TASP1: variants seen among roughly 807,000 people sequenced by gnomAD.
The protein encoded by TASP1 is taspase 1.
Under a neutral mutation model 56.6 loss-of-function variants are expected in TASP1, and 16 were observed. That is an observed-to-expected ratio of 0.28 (90% confidence interval 0.19 to 0.43). The LOEUF is 0.43. Ranked by LOEUF, TASP1 falls within the 20% of genes least tolerant of loss-of-function variation. The pLI, the probability that TASP1 is intolerant of heterozygous loss-of-function variation, is 1.00. For missense variants in TASP1, 393 were observed against 511.6 expected (o/e 0.77, Z 2.24); for synonymous variants, 179 against 184.2 (o/e 0.97, Z 0.23).
the TASP1 span, among the ~76,000 whole-genome samples, chr20:13,196,322 A>AG: frequency 1.7e-4 from 26 of 152,308 alleles, no homozygotes; most frequent in South Asian, 4.1e-4. Flanking sequence ...GTTTTAAACC[A>AG]TCTAGTAGTG....
At chr20:13,558,407 T>C (rs890696669) in intron 8 of TASP1, among the ~76,000 whole-genome samples, 4 of 152,272 alleles carry the variant, frequency 2.6e-5, no homozygotes, top group East Asian at 1.9e-4. Context: ...TAAGAATCAC[T>C]ATCAGGAGCT....
At chr20:13,483,529 A>G (rs2043215130) in intron 10 of TASP1, among the ~76,000 whole-genome samples, 192 bp from the exon 11 acceptor site, 1 of 152,244 alleles carries the variant, frequency 6.6e-6, no homozygotes, top group African/African-American at 2.4e-5. Context: ...AACTAAACAC[A>G]AAGTTTATCA....
At chr20:13,331,192 T>C in the TASP1 span, among the ~76,000 whole-genome samples, 1 of 152,294 alleles carries the variant, frequency 6.6e-6, no homozygotes, top group Non-Finnish European at 1.5e-5. Context: ...TTTGATATGT[T>C]GTATTTTTAT....
At chr20:13,195,754 T>A in the TASP1 span, among the ~76,000 whole-genome samples, 1 of 152,186 alleles carries the variant, frequency 6.6e-6, no homozygotes, top group Non-Finnish European at 1.5e-5. Context: ...CACATGACTA[T>A]GAGAATGCTA....
intron 8 of TASP1, among the ~76,000 whole-genome samples, chr20:13,536,039 A>T (rs2045405616): frequency 6.6e-6 from 1 of 152,222 alleles, no homozygotes; most frequent in Admixed American, 6.5e-5. Context: ...TAATGCTAAT[A>T]AATAATTTTA....
intron 11 of TASP1, among the ~76,000 whole-genome samples, chr20:13,456,653 C>A (rs1176329651): frequency 6.6e-6 from 1 of 151,994 alleles, no homozygotes; most frequent in Non-Finnish European, 1.5e-5. Context: ...TTTTTAATTC[C>A]ATTTTTCATG....
intron 11 of TASP1, among the ~76,000 whole-genome samples, chr20:13,469,059 A>T (rs1174986774): frequency 3.9e-5 from 6 of 152,162 alleles, no homozygotes; most frequent in African/African-American, 1.4e-4. Context: ...AAATCAAATA[A>T]ATCAGTAGCA....
the TASP1 span, among the ~76,000 whole-genome samples, chr20:13,274,594 A>G: frequency 6.6e-6 from 1 of 152,284 alleles, no homozygotes; most frequent in African/African-American, 2.4e-5. Flanking sequence ...AGGGCTAAGG[A>G]AACAGCCTGC....
At chr20:13,473,395 G>C (rs992594066) in intron 11 of TASP1, among the ~76,000 whole-genome samples, 1 of 152,056 alleles carries the variant, frequency 6.6e-6, no homozygotes, top group Non-Finnish European at 1.5e-5. Flanking sequence ...TAAATGACGA[G>C]TTAATGGGTG....
the TASP1 span, among the ~76,000 whole-genome samples, chr20:13,188,838 A>G: frequency 6.6e-6 from 1 of 152,224 alleles, no homozygotes; most frequent in Non-Finnish European, 1.5e-5. Flanking sequence ...ACTGTAACCT[A>G]GCTTAACAGT....
chr20:13,497,195 G>A (rs751062785), intron 10 of TASP1, among the ~76,000 whole-genome samples: 9 of 152,228 alleles, frequency 5.9e-5, no homozygotes, highest in Non-Finnish European at 7.3e-5. Context: ...CAAGTGAAAA[G>A]CAGCAGCATT....
chr20:13,449,035 G>A (rs1335931247), intron 11 of TASP1, among the ~76,000 whole-genome samples: 1 of 152,064 alleles, frequency 6.6e-6, no homozygotes, highest in Non-Finnish European at 1.5e-5. Context: ...AACATGTATA[G>A]CATTAAAACT....
chr20:13,317,211 G>C, the TASP1 span, among the ~76,000 whole-genome samples: 1 of 118,294 alleles, frequency 8.5e-6, no homozygotes, highest in Non-Finnish European at 1.9e-5. Flanking sequence ...AAATCCTTAG[G>C]TATAAACCTA....
At chr20:13,299,606 G>A in the TASP1 span, 2 of 803,334 alleles carry the variant, frequency 2.5e-6, no homozygotes, top group Non-Finnish European at 3.9e-6. This position sits in a 1 kb window ranked among gnomAD's most constrained non-coding sequence, Gnocchi z 5.8. Context: ...CATTACGCTA[G>A]GGGCGTGTGC....
At chr20:13,320,732 C>T in the TASP1 span, among the ~76,000 whole-genome samples, 15,161 of 152,180 alleles carry the variant, frequency 0.1, 1,187 homozygotes, top group African/African-American at 0.21. Context: ...GTTTCCATTT[C>T]ATGGTCTAAG....
At chr20:13,475,129 A>G (rs2044674603) in intron 11 of TASP1, among the ~76,000 whole-genome samples, 1 of 152,210 alleles carries the variant, frequency 6.6e-6, no homozygotes, top group Admixed American at 6.5e-5. Context: ...CTTCCAGAGA[A>G]AACTACTACC....
At chr20:13,251,273 T>C in the TASP1 span, among the ~76,000 whole-genome samples, 1 of 152,212 alleles carries the variant, frequency 6.6e-6, no homozygotes, top group African/African-American at 2.4e-5. Context: ...TCCACAGGCA[T>C]TGAATTCTGG....
chr20:13,588,275 AAGGAAG>A lies in TASP1; in HGVS notation c.283-911_283-906del, dbSNP rs1568617978. ...AAAGGAAGGAAGGAAGGAAGGAAGG[AAGGAAG>A]GAAGGAAGGAAGGAAGGAAGGAAGG... On this transcript the variant is annotated intron_variant, in intron 4 of 13. Transcript: ENST00000337743. Among the ~76,000 whole-genome samples the A allele has an allele frequency of 4.3e-4, 53 of 122,244 alleles. 2 individuals are homozygous for A. Among genetic ancestry groups the A allele is most frequent in the African/African-American group, 1.3e-3 (44 of 34,058 alleles). 80.2% of individuals were successfully genotyped at this position (122,244 alleles called of 152,430 possible). A position where few individuals can be genotyped will look rare whatever the true frequency, so the allele number is the denominator to read the frequency against.
At chr20:13,574,262 T>C (rs1423202444) in intron 6 of TASP1, among the ~76,000 whole-genome samples, 1 of 152,164 alleles carries the variant, frequency 6.6e-6, no homozygotes, top group East Asian at 1.9e-4. Context: ...CAAGGCAAAA[T>C]TAGCTCAAGG....
Sources: allele counts gnomAD v4.1 joint callset (sites outside exome capture counted in the v4.1 genomes callset), GRCh38; gene constraint gnomAD v4.1.1; non-coding constraint Gnocchi (gnomAD v3.1); transcripts MANE v1.5; gene names NCBI Gene and HGNC (gene_info 2026-07-23, HGNC 2026-07-21).